The following MUC7 variants were observed in gnomAD, a reference collection of about 807,000 sequenced individuals.
MUC7 encodes the protein mucin-7.
Under a neutral mutation model 2.5 loss-of-function variants are expected in MUC7, and 2 were observed. That is an observed-to-expected ratio of 0.81 (90% CI 0.33 to 2.55). The LOEUF (loss-of-function observed/expected upper bound fraction) is 2.55, where lower values mean the gene tolerates loss of function less well. Among genes scored for constraint, MUC7 ranks in the 30% most tolerant of loss-of-function variants. The probability of loss-of-function intolerance (pLI) is 0.11; values close to 1 mark genes in which losing one functional copy is unlikely to be tolerated. For synonymous variants in MUC7, 133 were observed against 173.4 expected (o/e 0.77, Z 1.83); for missense variants, 408 against 455.6 (o/e 0.90, Z 0.95).
intron 2 of MUC7, among the ~76,000 whole-genome samples, chr4:70,474,854 C>T (rs1406889272): frequency 3.9e-5 from 6 of 152,114 alleles, no homozygotes; most frequent in Non-Finnish European, 8.8e-5. Flanking sequence ...GAAGCTATGG[C>T]AGTGGTCCAG....
intron 1 of MUC7, 63 bp from the exon 2 acceptor site, chr4:70,473,944 C>A: frequency 8.4e-7 from 1 of 1,184,742 alleles, no homozygotes; most frequent in Non-Finnish European, 1.2e-6. Context: ...AGTTATTTAC[C>A]AAAACGCATT....
intron 1 of MUC7, among the ~76,000 whole-genome samples, chr4:70,435,170 G>C (rs998297149): frequency 6.6e-6 from 1 of 152,192 alleles, no homozygotes; most frequent in Non-Finnish European, 1.5e-5. Flanking sequence ...GTGCTGAGAA[G>C]AATGTATATT....
At chr4:70,432,817 T>C (rs892955076) in intron 1 of MUC7, among the ~76,000 whole-genome samples, 13 of 152,378 alleles carry the variant, frequency 8.5e-5, no homozygotes, top group African/African-American at 2.4e-4. Context: ...GTCTATGTCC[T>C]GAATGGTATT....
At chr4:70,461,092 C>T (rs1447197736) in intron 1 of MUC7, among the ~76,000 whole-genome samples, 1 of 152,198 alleles carries the variant, frequency 6.6e-6, no homozygotes, top group Non-Finnish European at 1.5e-5. Context: ...GGGCTCCGAG[C>T]TTATCTTGGC....
chr4:70,458,644 G>T (rs1386357482), intron 1 of MUC7, among the ~76,000 whole-genome samples: 1 of 151,904 alleles, frequency 6.6e-6, no homozygotes, highest in Non-Finnish European at 1.5e-5. Context: ...GAGAAAAAAA[G>T]AGAAACAAAA....
intron 1 of MUC7, among the ~76,000 whole-genome samples, chr4:70,459,427 T>C (rs1309079485): frequency 6.6e-6 from 1 of 152,042 alleles, no homozygotes. Context: ...CTGGGGACTG[T>C]TGTGGGGTTG....
Position 70,480,810 on chromosome 4 carries a change from T to C in MUC7, c.66T>C (p.Gly22=), listed in dbSNP as rs1735141576. 3.1e-6 allele frequency: 5 copies of C among 1,613,158 alleles called. No homozygotes were observed. The highest frequency in any genetic ancestry group is 3.4e-6 in the Non-Finnish European group (4 of 1,179,294). ...ALSACFSFSE[G]RERDHELRHR... is the part of the protein sequence containing the mutation. ...TTTCTTTTCTGCAGTTCAGTGAAGG[T>C]CGAGAAAGGGATCATGAACTACGTC... The change falls in exon 3 of 3, where the codon GGT becomes GGC. Residue 22 remains glycine, a synonymous_variant. Coordinates refer to ENST00000304887, the MANE Select transcript of MUC7 (RefSeq NM_152291.3).
intron 1 of MUC7, among the ~76,000 whole-genome samples, chr4:70,450,723 G>T (rs1734258753): frequency 6.6e-6 from 1 of 152,148 alleles, no homozygotes. Context: ...CTGGCCCAGA[G>T]TGTGTCAAGA....
At chr4:70,433,555 T>C (rs1733740194) in intron 1 of MUC7, among the ~76,000 whole-genome samples, 1 of 152,216 alleles carries the variant, frequency 6.6e-6, no homozygotes, top group Non-Finnish European at 1.5e-5. Flanking sequence ...GGAATGCTTG[T>C]GATATTTGCA....
At chr4:70,467,363 A>T (rs951930375), upstream of MUC7, among the ~76,000 whole-genome samples, 1 of 152,206 alleles carries the variant, frequency 6.6e-6, no homozygotes, top group Admixed American at 6.5e-5. Context: ...GAGAAACAAG[A>T]GCAAACAAAT....
chr4:70,455,256 G>T (rs943670609), intron 1 of MUC7, among the ~76,000 whole-genome samples: 1 of 152,084 alleles, frequency 6.6e-6, no homozygotes, highest in Non-Finnish European at 1.5e-5. Context: ...GTATTACACC[G>T]GCCCCTGGGT....
intron 1 of MUC7, among the ~76,000 whole-genome samples, chr4:70,455,769 A>C (rs1734396209): frequency 6.6e-6 from 1 of 152,160 alleles, no homozygotes; most frequent in Non-Finnish European, 1.5e-5. Flanking sequence ...AAGATGTCAC[A>C]CGCCACGCCC....
At chr4:70,433,022 C>A (rs947199192) in intron 1 of MUC7, among the ~76,000 whole-genome samples, 6 of 152,134 alleles carry the variant, frequency 3.9e-5, no homozygotes, top group Admixed American at 6.5e-5. Flanking sequence ...TCAGGTTTGT[C>A]CAAGATCAGA....
intron 1 of MUC7, among the ~76,000 whole-genome samples, chr4:70,437,009 G>C (rs1733858898): frequency 6.6e-6 from 1 of 152,184 alleles, no homozygotes; most frequent in East Asian, 1.9e-4. Context: ...GACCCTGTTT[G>C]CTGGGTATCA....
upstream of MUC7, among the ~76,000 whole-genome samples, chr4:70,468,415 T>C (rs923857880): frequency 6.6e-6 from 1 of 152,134 alleles, no homozygotes; most frequent in Non-Finnish European, 1.5e-5. Flanking sequence ...GCCAGGGGAA[T>C]CAGGCAAGAG....
Position 70,481,662 on chromosome 4 carries a change from C to T in MUC7, c.918C>T (p.Ala306=). ...CAGCTCCACAAGAGACCACAGCTGCCCCAATTACCACACCTAATTCTTCCC... is the reference window on the plus strand; with the variant it reads ...CAGCTCCACAAGAGACCACAGCTGCTCCAATTACCACACCTAATTCTTCCC... ...SSPAPQETTA[A]PITTPNSSPT... Residue 306 remains alanine (A), a synonymous_variant, in exon 3 of 3, where the codon GCC becomes GCT. Transcript: ENST00000304887. The T allele has an allele frequency of 1.2e-6, 2 of 1,614,158 alleles. No individual in the cohort carries two copies. The highest frequency in any genetic ancestry group is 1.7e-6 in the Non-Finnish European group (2 of 1,180,042).
At chr4:70,464,558 C>CG (rs1288352770) in intron 1 of MUC7, among the ~76,000 whole-genome samples, 7 of 152,016 alleles carry the variant, frequency 4.6e-5, no homozygotes, top group Non-Finnish European at 8.8e-5. Context: ...CAAGCGTGGT[C>CG]GGGGGAGGGG....
chr4:70,470,647 T>A (rs932018641), upstream of MUC7, among the ~76,000 whole-genome samples: 4 of 152,158 alleles, frequency 2.6e-5, no homozygotes, highest in Non-Finnish European at 5.9e-5. Context: ...CAAGGTGATA[T>A]GAAAATTTTT....
At chr4:70,450,465 G>A (rs976680781) in intron 1 of MUC7, among the ~76,000 whole-genome samples, 1 of 152,176 alleles carries the variant, frequency 6.6e-6, no homozygotes, top group African/African-American at 2.4e-5. Context: ...GGTACCTAAG[G>A]TGCAAGATGA....
Sources: allele counts gnomAD v4.1 joint callset (sites outside exome capture counted in the v4.1 genomes callset), GRCh38; gene constraint gnomAD v4.1.1; transcripts MANE v1.5; gene names NCBI Gene and HGNC (gene_info 2026-07-23, HGNC 2026-07-21).